RGSL1: variants seen among roughly 807,000 people sequenced by gnomAD.
The protein encoded by RGSL1 is regulator of G protein signaling like 1, also known as regulator of G protein signaling protein-like.
RGSL1 carries 97 observed loss-of-function variants against 124.7 expected under a neutral mutation model. The ratio of observed to expected loss-of-function variants is 0.78; its 90% confidence interval spans 0.66 to 0.92. RGSL1 has a LOEUF of 0.92. Ranked by LOEUF, RGSL1 falls within the 40% of genes least tolerant of loss-of-function variation. The pLI is 0.00. For missense variants in RGSL1, 1,233 were observed against 1,288.4 expected, an observed-to-expected ratio of 0.96 and a Z score of 0.66; for synonymous variants, 424 against 438.1, an observed-to-expected ratio of 0.97 and a Z score of 0.40.
chr1:182,465,627 C>T (rs1174442482), intron 4 of RGSL1, among the ~76,000 whole-genome samples: 2 of 152,038 alleles, frequency 1.3e-5, no homozygotes, highest in African/African-American at 4.8e-5. Flanking sequence ...TAATAAAAAT[C>T]TGAGTAGACC....
In RGSL1 at chr1:182,519,725, G is replaced by A. The variant is rs376080343; in HGVS notation, c.1826-2279G>A. On this transcript the variant is annotated intron_variant, in intron 9 of 21. Coordinates refer to ENST00000294854, the MANE Select transcript of RGSL1 (RefSeq NM_001137669.2). Reference sequence around the variant, plus strand: ...ATTTTTGACATTTTAAGTATATTTCGTATACTTTTTTCTGTATTTTTCATT... The same window carrying A: ...ATTTTTGACATTTTAAGTATATTTCATATACTTTTTTCTGTATTTTTCATT... Among the ~76,000 whole-genome samples, 102 of 151,562 alleles carry A rather than the reference G, an allele frequency of 6.7e-4. 2 individuals carry two copies. Among genetic ancestry groups the A allele is most frequent in the African/African-American group, 1.0e-3 (42 of 41,304 alleles).
intron 14 of RGSL1, among the ~76,000 whole-genome samples, chr1:182,533,163 G>A (rs568338697): frequency 6.6e-6 from 1 of 152,198 alleles, no homozygotes; most frequent in East Asian, 1.9e-4. Flanking sequence ...ATATAGTATA[G>A]AAGTGAAAGT....
At chr1:182,467,319 A>T (rs1455305360) in intron 4 of RGSL1, among the ~76,000 whole-genome samples, 1 of 152,234 alleles carries the variant, frequency 6.6e-6, no homozygotes, top group African/African-American at 2.4e-5. Flanking sequence ...AGTCAATCCT[A>T]AGCCAAAAGA....
intron 6 of RGSL1, among the ~76,000 whole-genome samples, chr1:182,485,140 T>A (rs1571543536): frequency 2.0e-5 from 3 of 152,206 alleles, no homozygotes; most frequent in Admixed American, 2.0e-4. Context: ...TGTAGGTGTC[T>A]AATGTGTTAA....
intron 9 of RGSL1, among the ~76,000 whole-genome samples, chr1:182,520,356 G>A (rs1193666608): frequency 1.3e-5 from 2 of 152,140 alleles, no homozygotes; most frequent in East Asian, 3.9e-4. Flanking sequence ...TCTGTCCTGA[G>A]AATCTGCCAA....
chr1:182,475,153 A>G (rs1441578051), intron 6 of RGSL1, among the ~76,000 whole-genome samples: 1 of 152,224 alleles, frequency 6.6e-6, no homozygotes, highest in Admixed American at 6.5e-5. Flanking sequence ...CATGAACCTC[A>G]GAGTATTCTA....
At chr1:182,511,894 T>C (rs1657490173) in intron 9 of RGSL1, among the ~76,000 whole-genome samples, 1 of 152,196 alleles carries the variant, frequency 6.6e-6, no homozygotes, top group South Asian at 2.1e-4. Flanking sequence ...CATTTGTGTA[T>C]ATCTTCTTTT....
chr1:182,497,290 TG>T (rs1221854755), intron 9 of RGSL1, among the ~76,000 whole-genome samples: 4 of 149,684 alleles, frequency 2.7e-5, no homozygotes. Flanking sequence ...TGCATGTGTG[TG>T]TGTGTCTGTG....
At chr1:182,541,830 G>C (rs1289134667) in intron 15 of RGSL1, among the ~76,000 whole-genome samples, 3 of 152,026 alleles carry the variant, frequency 2.0e-5, no homozygotes, top group Non-Finnish European at 4.4e-5. Flanking sequence ...CATGATTTGT[G>C]ATCTTAGCAG....
intron 5 of RGSL1, 126 bp from the exon 6 acceptor site, chr1:182,473,449 T>C: frequency 1.9e-6 from 2 of 1,060,270 alleles, no homozygotes; most frequent in East Asian, 5.3e-5. Context: ...TACTCCAGGA[T>C]TATATGAGGA....
intron 4 of RGSL1, among the ~76,000 whole-genome samples, chr1:182,468,759 TAATAAAAATAAAATAA>T (rs1408326852): frequency 6.6e-6 from 1 of 151,510 alleles, no homozygotes; most frequent in Non-Finnish European, 1.5e-5. Context: ...ACTTAAAGTA[TAATAAAAATAAAATAA>T]AATAAAAATA....
Position 182,510,707 on chromosome 1 carries a change from G to A in RGSL1, c.1826-11297G>A, listed in dbSNP as rs12079744. Among the ~76,000 whole-genome samples the A allele has an allele frequency of 4.9e-5, 2 of 40,602 alleles. 1 individual carries two copies. Among genetic ancestry groups the A allele is most frequent in the Non-Finnish European group, 9.4e-5 (2 of 21,210 alleles). The allele number at this position is 40,602 out of a possible 152,430, so 26.6% of individuals were successfully genotyped here. A position where few individuals can be genotyped will look rare whatever the true frequency, so the allele number is the denominator to read the frequency against. The stretch of plus-strand genomic sequence containing the variant: ...GGGAGAGGGAGAGGGAGAGGGAGAG[G>A]CCTATTGACTATTTGTATGTTTTCT... On this transcript the variant is annotated intron_variant, in intron 9 of 21. Coordinates refer to ENST00000294854, the MANE Select transcript of RGSL1 (RefSeq NM_001137669.2).
intron 18 of RGSL1, among the ~76,000 whole-genome samples, chr1:182,552,117 A>ATT (rs202109914): frequency 2.0e-4 from 30 of 146,698 alleles, no homozygotes; most frequent in Admixed American, 5.5e-4. Context: ...GCAAAAGGGA[A>ATT]TTTTTTTTTT....
chr1:182,461,281 C>T (rs1652810405), intron 4 of RGSL1, among the ~76,000 whole-genome samples: 1 of 151,896 alleles, frequency 6.6e-6, no homozygotes, highest in African/African-American at 2.4e-5. Context: ...ATTTATGCCT[C>T]AGGCCAATTC....
intron 14 of RGSL1, among the ~76,000 whole-genome samples, chr1:182,536,337 G>A (rs943113193): frequency 1.3e-5 from 2 of 152,036 alleles, no homozygotes; most frequent in African/African-American, 4.8e-5. Context: ...TGGGTTATGT[G>A]GTAAGTATAT....
At chr1:182,536,944 G>A (rs1659584900) in intron 14 of RGSL1, among the ~76,000 whole-genome samples, 1 of 152,120 alleles carries the variant, frequency 6.6e-6, no homozygotes, top group Non-Finnish European at 1.5e-5. Flanking sequence ...CATACATACA[G>A]TGCGTTTTTT....
intron 2 of RGSL1, among the ~76,000 whole-genome samples, chr1:182,457,967 G>A (rs554541354): frequency 1.3e-5 from 2 of 152,326 alleles, no homozygotes; most frequent in South Asian, 4.1e-4. Context: ...GCTAAGTCCA[G>A]GGAGAAAAGT....
chr1:182,460,347 C>T (rs898895398), intron 4 of RGSL1, among the ~76,000 whole-genome samples: 2 of 152,228 alleles, frequency 1.3e-5, no homozygotes, highest in African/African-American at 4.8e-5. Context: ...CATATCCCAG[C>T]CCATGTTTTG....
chr1:182,525,892 C>G (rs1658706346), intron 10 of RGSL1, among the ~76,000 whole-genome samples: 1 of 152,022 alleles, frequency 6.6e-6, no homozygotes, highest in Non-Finnish European at 1.5e-5. Flanking sequence ...TAATTAAAAT[C>G]TGGATTTAAA....
Sources: allele counts gnomAD v4.1 joint callset (sites outside exome capture counted in the v4.1 genomes callset), GRCh38; gene constraint gnomAD v4.1.1; transcripts MANE v1.5; gene names NCBI Gene and HGNC (gene_info 2026-07-23, HGNC 2026-07-21).